The following VWA5B1 variants were observed in gnomAD, a reference collection of about 807,000 sequenced individuals.
VWA5B1 encodes the protein von Willebrand factor A domain-containing protein 5B1.
In VWA5B1, 115 loss-of-function variants were observed where a neutral mutation model predicts 118.2. The observed-to-expected ratio is 0.97, with a 90% CI of 0.84 to 1.14. VWA5B1 has a LOEUF of 1.14. VWA5B1 is among the 50% of genes most tolerant of loss of function. VWA5B1 has a pLI of 0.00. For missense variants in VWA5B1, 1,596 were observed against 1,603.8 expected (o/e 1.00, Z 0.08); for synonymous variants, 682 against 658.4 (o/e 1.04, Z -0.55).
At chr1:20,346,667 T>C (rs2101004743) in intron 17 of VWA5B1, among the ~76,000 whole-genome samples, 1 of 152,384 alleles carries the variant, frequency 6.6e-6, no homozygotes, top group East Asian at 1.9e-4. Context: ...TTCTAAACTC[T>C]GCCAGTCTGA....
chr1:20,340,879 C>A (rs1359215336), intron 14 of VWA5B1, among the ~76,000 whole-genome samples: 1 of 152,156 alleles, frequency 6.6e-6, no homozygotes, highest in Non-Finnish European at 1.5e-5. Flanking sequence ...TTTTAATAAT[C>A]ACATATAAAA....
chr1:20,333,768 A>G lies in VWA5B1; in HGVS notation c.1758+817A>G, dbSNP rs895315427. Reference sequence around the variant, plus strand: ...CTGAAAGGGAGGTGAAGTTCATGCTAAAATGTGAGAGGTTGCCAAAGAAGC... The same window carrying G: ...CTGAAAGGGAGGTGAAGTTCATGCTGAAATGTGAGAGGTTGCCAAAGAAGC... On this transcript the variant is annotated intron_variant, in intron 12 of 21. Coordinates refer to ENST00000289815, the MANE Select transcript of VWA5B1 (RefSeq NM_001039500.3). Among the ~76,000 whole-genome samples, 3 of 152,236 alleles carry G rather than the reference A, an allele frequency of 2.0e-5. No individual in the cohort carries two copies. In the South Asian group the frequency reaches 6.2e-4, roughly 31 times the overall value.
chr1:20,298,531 A>T, intron 1 of VWA5B1, among the ~76,000 whole-genome samples: 1 of 152,116 alleles, frequency 6.6e-6, no homozygotes, highest in South Asian at 2.1e-4. Context: ...TCACCTTCAC[A>T]GTCAGCCAGG....
chr1:20,322,521 C>G (rs967929424), intron 7 of VWA5B1, among the ~76,000 whole-genome samples: 1 of 152,240 alleles, frequency 6.6e-6, no homozygotes, highest in Non-Finnish European at 1.5e-5. Context: ...CATCTCTGGA[C>G]TAGGCCCTGT....
Position 20,315,857 on chromosome 1 carries a change from C to T in VWA5B1, c.563+1265C>T, listed in dbSNP as rs7517751. On this transcript the variant is annotated intron_variant, in intron 4 of 21. Coordinates refer to ENST00000289815, the MANE Select transcript of VWA5B1 (RefSeq NM_001039500.3). The stretch of plus-strand genomic sequence containing the variant: ...CATAAGCCAGTCTCAGACCAAAGAG[C>T]GCCAGCCTGTGTGTTGTCTTTGTAA... 5.7e-3 allele frequency among the ~76,000 whole-genome samples: 862 copies of T among 152,320 alleles called. 1 individual carries two copies. Among genetic ancestry groups the T allele is most frequent in the Non-Finnish European group, 9.2e-3 (623 of 68,028 alleles).
chr1:20,334,628 T>C (rs1301652823), intron 12 of VWA5B1, among the ~76,000 whole-genome samples: 1 of 152,020 alleles, frequency 6.6e-6, no homozygotes, highest in Non-Finnish European at 1.5e-5. Flanking sequence ...CTGGCCAACA[T>C]GGTGAAACCC....
rs142238718 is a variant in VWA5B1, at chr1:20,319,715, C to T, written c.966+209C>T. Among the ~76,000 whole-genome samples the T allele has an allele frequency of 1.4e-4, 21 of 152,320 alleles. No homozygotes were observed. In the East Asian group the frequency reaches 1.5e-3, roughly 11 times the overall value. The stretch of plus-strand genomic sequence containing the variant: ...TGCCCCGTCATCCTGGCTCTATTCC[C>T]GCCTCCTGCCAGATCACCTTTCTCC... On this transcript the variant is annotated intron_variant, in intron 7 of 21. Coordinates refer to ENST00000289815, the MANE Select transcript of VWA5B1 (RefSeq NM_001039500.3).
At chr1:20,300,111 G>A (rs909805893) in intron 1 of VWA5B1, among the ~76,000 whole-genome samples, 1 of 152,148 alleles carries the variant, frequency 6.6e-6, no homozygotes, top group Non-Finnish European at 1.5e-5. Flanking sequence ...TAACCCTGAG[G>A]TTTTCTTCAC....
rs771575757 is a variant in VWA5B1, at chr1:20,343,075, G to T, written c.2312-4G>T. ...GCTTGGCCCACTTGTCCCTCTGCCCGCAGAGCCGTCCCACCATCCCTCTGC... is the reference window on the plus strand; with the variant it reads ...GCTTGGCCCACTTGTCCCTCTGCCCTCAGAGCCGTCCCACCATCCCTCTGC... On this transcript the variant is annotated splice_region_variant and splice_polypyrimidine_tract_variant and intron_variant, in intron 15 of 21. Coordinates refer to ENST00000289815, the MANE Select transcript of VWA5B1 (RefSeq NM_001039500.3). 2.0e-6 allele frequency: 3 copies of T among 1,507,468 alleles called. No homozygotes were observed. Among genetic ancestry groups the T allele is most frequent in the African/African-American group, 1.4e-5 (1 of 72,028 alleles). 93.4% of individuals were successfully genotyped at this position (1,507,468 alleles called of 1,614,324 possible).
Position 20,342,581 on chromosome 1 carries a change from T to G in VWA5B1, c.2283T>G (p.Thr761=). Residue 761 remains threonine, a synonymous_variant, in exon 15 of 22, where the codon ACT becomes ACG. Coordinates refer to ENST00000289815, the MANE Select transcript of VWA5B1 (RefSeq NM_001039500.3). ...TQAWSPVRER[T]SDSRSPGDLE... ...CCTGGAGCCCTGTGAGAGAGCGGAC[T>G]TCTGACAGCCGAAGCCCTGGAGATC... 1 of 1,508,820 alleles carries G rather than the reference T, an allele frequency of 6.6e-7. No individual in the cohort carries two copies. The highest frequency in any genetic ancestry group is 1.4e-5 in the African/African-American group (1 of 71,268). 93.5% of individuals were successfully genotyped at this position (1,508,820 alleles called of 1,614,324 possible).
chr1:20,345,438 C>T lies in VWA5B1; in HGVS notation c.2627-18C>T, dbSNP rs746235434. The T allele has an allele frequency of 1.3e-6, 2 of 1,550,628 alleles. No individual in the cohort carries two copies. The highest frequency in any genetic ancestry group is 1.7e-6 in the Non-Finnish European group (2 of 1,146,968). On this transcript the variant is annotated intron_variant, in intron 16 of 21. Coordinates refer to ENST00000289815, the MANE Select transcript of VWA5B1 (RefSeq NM_001039500.3). ...ACTTTCTGAGTCCAAACAGTGACCC[C>T]AGTTTCTCCCTCCACAGGGTCCAAC...
At chr1:20,350,093 T>C (rs1158049209) in intron 18 of VWA5B1, 63 bp from the exon 19 acceptor site, 8 of 1,497,094 alleles carry the variant, frequency 5.3e-6, no homozygotes, top group Non-Finnish European at 7.3e-6. Context: ...ATTGCTCTCC[T>C]GAGGGGATGG....
rs541246539 is a variant in VWA5B1, at chr1:20,351,382, G to A, written c.3023+456G>A. On this transcript the variant is annotated intron_variant, in intron 20 of 21. Coordinates refer to ENST00000289815, the MANE Select transcript of VWA5B1 (RefSeq NM_001039500.3). Reference sequence around the variant, plus strand: ...AAAAATTTAAAAATAGGCCAGGCATGGTGGCTCACCCCTGTAATCCCAGCA... The same window carrying A: ...AAAAATTTAAAAATAGGCCAGGCATAGTGGCTCACCCCTGTAATCCCAGCA... Among the ~76,000 whole-genome samples the A allele has an allele frequency of 2.6e-5, 4 of 151,768 alleles. No individual in the cohort carries two copies. The East Asian group carries it at 7.8e-4, about 29-fold the overall frequency.
chr1:20,336,528 C>A, intron 13 of VWA5B1, 42 bp downstream of exon 13: 1 of 1,316,358 alleles, frequency 7.6e-7, no homozygotes. Flanking sequence ...ACATTGAGCA[C>A]TTACTATGTG....
At chr1:20,293,557 G>C (rs80095537) in intron 1 of VWA5B1, among the ~76,000 whole-genome samples, 69 of 152,324 alleles carry the variant, frequency 4.5e-4, no homozygotes, top group African/African-American at 1.7e-3. Context: ...AGGCTATACA[G>C]ACACAGGTTT....
rs10916771 is a variant in VWA5B1, at chr1:20,343,025, T to G, written c.2312-54T>G. 4,613 of 1,464,778 alleles carry G rather than the reference T, an allele frequency of 3.1e-3. 114 individuals carry two copies. The African/African-American group carries it at 0.054, about 17-fold the overall frequency. 90.7% of individuals were successfully genotyped at this position (1,464,778 alleles called of 1,614,324 possible). A position where few individuals can be genotyped will look rare whatever the true frequency, so the allele number is the denominator to read the frequency against. ...GGGGAGGAATGATGTCCCCTGGGAGTTGGCCGTCTGTCCCCCAGGTCAGCG... is the reference window on the plus strand; with the variant it reads ...GGGGAGGAATGATGTCCCCTGGGAGGTGGCCGTCTGTCCCCCAGGTCAGCG... On this transcript the variant is annotated intron_variant, in intron 15 of 21. Coordinates refer to ENST00000289815, the MANE Select transcript of VWA5B1 (RefSeq NM_001039500.3).
At chr1:20,295,326 C>T (rs994383236) in intron 1 of VWA5B1, among the ~76,000 whole-genome samples, 4 of 151,970 alleles carry the variant, frequency 2.6e-5, no homozygotes, top group African/African-American at 4.8e-5. Flanking sequence ...GATTGTGGGG[C>T]GGAGCTGAAT....
intron 1 of VWA5B1, among the ~76,000 whole-genome samples, chr1:20,293,016 G>A (rs996332014): frequency 3.3e-5 from 5 of 152,174 alleles, no homozygotes; most frequent in African/African-American, 1.2e-4. Flanking sequence ...CCCAGATCTG[G>A]GCCAGACACA....
chr1:20,298,673 C>T (rs2088451271), intron 1 of VWA5B1, among the ~76,000 whole-genome samples: 1 of 152,028 alleles, frequency 6.6e-6, no homozygotes, highest in Admixed American at 6.5e-5. Context: ...CCTGTGTCAC[C>T]CAGTGCTACA....
Sources: allele counts gnomAD v4.1 joint callset (sites outside exome capture counted in the v4.1 genomes callset), GRCh38; gene constraint gnomAD v4.1.1; transcripts MANE v1.5; gene names NCBI Gene and HGNC (gene_info 2026-07-23, HGNC 2026-07-21).